The following PCDHGB1 variants were observed in gnomAD, a reference collection of about 807,000 sequenced individuals.
The protein encoded by PCDHGB1 is protocadherin gamma subfamily B, 1, also known as protocadherin gamma-B1.
In PCDHGB1, 34 loss-of-function variants were observed where a neutral mutation model predicts 56.6. That is an observed-to-expected ratio of 0.60 (90% confidence interval 0.46 to 0.80). The LOEUF (loss-of-function observed/expected upper bound fraction) is 0.80. Ranked by LOEUF, PCDHGB1 falls within the 30% of genes least tolerant of loss-of-function variation. The pLI is 0.00. For missense variants in PCDHGB1, 1,278 were observed against 1,204.6 expected (o/e 1.06, Z -0.90); for synonymous variants, 561 against 505.9 (o/e 1.11, Z -1.46).
Position 141,485,175 on chromosome 5 carries a change from T to C in PCDHGB1, c.2410-9632T>C, listed in dbSNP as rs2099608731. ...GTAGAGAATTAGCGGGCGGCAGCAA[T>C]GCTCCGCAAGGTGAGAAGCTGGACA... On this transcript the variant is annotated intron_variant, in intron 1 of 3. Coordinates refer to ENST00000523390, the MANE Select transcript of PCDHGB1 (RefSeq NM_018922.3). The surrounding 1 kb of genome is among the most constrained non-coding windows in gnomAD (Gnocchi z 5.7). 6.2e-7 allele frequency: 1 copy of C among 1,611,486 alleles called. No homozygotes were observed. Among genetic ancestry groups the C allele is most frequent in the Non-Finnish European group, 8.5e-7 (1 of 1,177,998 alleles).
chr5:141,465,043 T>C (rs1404714692), intron 1 of PCDHGB1, among the ~76,000 whole-genome samples: 2 of 152,030 alleles, frequency 1.3e-5, no homozygotes, highest in Non-Finnish European at 2.9e-5. Context: ...CAAATGACCC[T>C]ATATATTTTT....
intron 1 of PCDHGB1, among the ~76,000 whole-genome samples, chr5:141,456,745 A>T (rs573105679): frequency 6.6e-6 from 1 of 151,920 alleles, no homozygotes; most frequent in South Asian, 2.1e-4. Context: ...CGGGAGCATC[A>T]TGAGGTCAGG....
chr5:141,374,125 C>A, intron 1 of PCDHGB1: 1 of 1,602,448 alleles, frequency 6.2e-7, no homozygotes, highest in East Asian at 2.2e-5. Flanking sequence ...GCGAGCAGGT[C>A]CTGCTCCTCA....
intron 1 of PCDHGB1, chr5:141,372,273 C>G (rs201775561): frequency 6.2e-7 from 1 of 1,613,108 alleles, no homozygotes; most frequent in Non-Finnish European, 8.5e-7. Flanking sequence ...GGGTGAGGTG[C>G]GCACGGCGCG....
At position 141,352,310 on chromosome 5, in the gene PCDHGB1, C is replaced by T. The variant is rs1323195949; in HGVS notation, c.2050C>T (p.Leu684=). 3 of 1,614,086 alleles carry T rather than the reference C, an allele frequency of 1.9e-6. No homozygotes were observed. Among genetic ancestry groups the T allele is most frequent in the Non-Finnish European group, 2.5e-6 (3 of 1,179,908 alleles). Residue 684 remains leucine, a synonymous_variant, in exon 1 of 4, where the codon CTG becomes TTG. Coordinates refer to ENST00000523390, the MANE Select transcript of PCDHGB1 (RefSeq NM_018922.3). ...TGAGCCCTCTGACCCCCAGACGGAA[C>T]TGCAGTTTTACCTGGTTGTGGCCTT... is the stretch of plus-strand genomic sequence containing the variant. ...RPEPSDPQTE[L]QFYLVVALAL...
At chr5:141,404,482 C>T (rs758102201) in intron 1 of PCDHGB1, 2 of 1,613,594 alleles carry the variant, frequency 1.2e-6, no homozygotes, top group East Asian at 2.2e-5. Context: ...TTAACTCAGA[C>T]ACTGGTGTGC....
intron 1 of PCDHGB1, chr5:141,409,204 C>A: frequency 6.2e-7 from 1 of 1,613,942 alleles, no homozygotes; most frequent in South Asian, 1.1e-5. Flanking sequence ...GTAAAGTAAT[C>A]ATAGAAATCC....
chr5:141,438,714 G>A (rs1051491309), intron 1 of PCDHGB1, among the ~76,000 whole-genome samples: 1 of 147,786 alleles, frequency 6.8e-6, no homozygotes, highest in South Asian at 2.2e-4. Flanking sequence ...AGGCTGGAGT[G>A]CAAGTGGTGT....
At chr5:141,452,954 T>A (rs1315313825) in intron 1 of PCDHGB1, among the ~76,000 whole-genome samples, 5 of 152,220 alleles carry the variant, frequency 3.3e-5, no homozygotes, top group Non-Finnish European at 1.5e-5. Context: ...ATTGGTTGTC[T>A]TTAAACTGAG....
intron 3 of PCDHGB1, among the ~76,000 whole-genome samples, chr5:141,509,336 GC>G (rs2099876304): frequency 6.6e-6 from 1 of 152,178 alleles, no homozygotes; most frequent in Non-Finnish European, 1.5e-5. Context: ...TGCCAGCTGG[GC>G]CTGGGCTGGC....
In PCDHGB1 at chr5:141,489,116, C is replaced by A; in HGVS notation, c.2410-5691C>A. Reference sequence around the variant, plus strand: ...TAAGAACTGCTGCAAGCAGGCAAACCTCCGAGCAGTTTTTAAGAGGCTGGA... The same window carrying A: ...TAAGAACTGCTGCAAGCAGGCAAACATCCGAGCAGTTTTTAAGAGGCTGGA... On this transcript the variant is annotated intron_variant, in intron 1 of 3. Transcript: ENST00000523390. The surrounding 1 kb of genome is among the most constrained non-coding windows in gnomAD (Gnocchi z 4.5). 3.7e-6 allele frequency: 2 copies of A among 536,398 alleles called. No homozygotes were observed. The highest frequency in any genetic ancestry group is 6.2e-6 in the Non-Finnish European group (2 of 322,530). 33.2% of individuals were successfully genotyped at this position (536,398 alleles called of 1,614,324 possible).
At chr5:141,356,321 G>A (rs1482205004) in intron 1 of PCDHGB1, 4 of 1,554,266 alleles carry the variant, frequency 2.6e-6, no homozygotes, top group Non-Finnish European at 3.5e-6. Flanking sequence ...GTGCATGACA[G>A]TGACTCAGGA....
chr5:141,409,405 C>G, intron 1 of PCDHGB1: 1 of 1,614,050 alleles, frequency 6.2e-7, no homozygotes, highest in Non-Finnish European at 8.5e-7. Flanking sequence ...CCAATAACTA[C>G]TACAAACTGG....
At chr5:141,356,635 C>G (rs1308841461) in intron 1 of PCDHGB1, 13 of 1,614,022 alleles carry the variant, frequency 8.1e-6, no homozygotes, top group Non-Finnish European at 1.1e-5. Flanking sequence ...TGCTCAAGAC[C>G]CTGACAGTGG....
chr5:141,426,676 A>T (rs1209949988), intron 1 of PCDHGB1: 4 of 431,700 alleles, frequency 9.3e-6, no homozygotes, highest in Non-Finnish European at 1.9e-5. Context: ...AACCCACCTC[A>T]TTTTCCCCAA....
Position 141,421,726 on chromosome 5 carries a change from T to G in PCDHGB1, c.2409+69057T>G. On this transcript the variant is annotated intron_variant, in intron 1 of 3. Transcript: ENST00000523390. The stretch of plus-strand genomic sequence containing the variant: ...TAGGGATCCAGATGTGGGCGTGAAC[T>G]CCCTCCAGAGCTACCAGCTCAGCCC... 1 of 1,613,928 alleles carries G rather than the reference T, an allele frequency of 6.2e-7. No homozygotes were observed. Among genetic ancestry groups the G allele is most frequent in the Non-Finnish European group, 8.5e-7 (1 of 1,179,852 alleles).
intron 1 of PCDHGB1, chr5:141,423,597 G>A: frequency 6.2e-7 from 1 of 1,613,188 alleles, no homozygotes; most frequent in Non-Finnish European, 8.5e-7. Context: ...AGAAAAGCGA[G>A]CCACTCTTGA....
intron 1 of PCDHGB1, among the ~76,000 whole-genome samples, chr5:141,405,902 G>A (rs777584362): frequency 2.6e-5 from 4 of 152,084 alleles, no homozygotes; most frequent in Non-Finnish European, 4.4e-5. Flanking sequence ...CTGAAAGGAG[G>A]CATTTATTAG....
intron 1 of PCDHGB1, chr5:141,355,229 A>G: frequency 1.9e-6 from 3 of 1,611,306 alleles, no homozygotes; most frequent in Non-Finnish European, 2.5e-6. Flanking sequence ...CGCCCAGACC[A>G]CACCCGGCTG....
Sources: allele counts gnomAD v4.1 joint callset (sites outside exome capture counted in the v4.1 genomes callset), GRCh38; gene constraint gnomAD v4.1.1; non-coding constraint Gnocchi (gnomAD v3.1); transcripts MANE v1.5; gene names NCBI Gene and HGNC (gene_info 2026-07-23, HGNC 2026-07-21).